WDR25: variants seen among roughly 807,000 people sequenced by gnomAD.
WDR25 encodes the protein WD repeat domain 25, also known as WD repeat-containing protein 25.
Under a neutral mutation model 47.7 loss-of-function variants are expected in WDR25, and 35 were observed. That is an observed-to-expected ratio of 0.73 (90% CI 0.56 to 0.97). The LOEUF (loss-of-function observed/expected upper bound fraction) is 0.97. Ranked by LOEUF, WDR25 falls within the 50% of genes least tolerant of loss-of-function variation. The pLI is 0.00. For synonymous variants in WDR25, 248 were observed against 278.9 expected (o/e 0.89, Z 1.10); for missense variants, 634 against 704.7 (o/e 0.90, Z 1.14).
intron 2 of WDR25, among the ~76,000 whole-genome samples, chr14:100,448,825 C>T (rs1238956276): frequency 6.6e-6 from 1 of 152,104 alleles, no homozygotes; most frequent in Non-Finnish European, 1.5e-5. Flanking sequence ...TCCACTGGAC[C>T]TTAACTTGGC....
intron 4 of WDR25, among the ~76,000 whole-genome samples, chr14:100,507,441 A>G (rs902389219): frequency 6.6e-6 from 1 of 152,158 alleles, no homozygotes; most frequent in East Asian, 1.9e-4. Flanking sequence ...TCTGTGAAAA[A>G]TGATATTGGT....
chr14:100,437,920 T>A (rs1227671882), intron 2 of WDR25, among the ~76,000 whole-genome samples: 4 of 152,178 alleles, frequency 2.6e-5, no homozygotes, highest in Non-Finnish European at 4.4e-5. Context: ...TGCCTTCTCA[T>A]CCTTTTTTCT....
chr14:100,514,986 G>C (rs1901444437), intron 4 of WDR25, among the ~76,000 whole-genome samples: 1 of 151,998 alleles, frequency 6.6e-6, no homozygotes, highest in Admixed American at 6.6e-5. Flanking sequence ...AAGAATTTGG[G>C]GTTGATGATT....
At chr14:100,524,156 G>A (rs2029996216) in intron 4 of WDR25, among the ~76,000 whole-genome samples, 1 of 152,054 alleles carries the variant, frequency 6.6e-6, no homozygotes. Context: ...TCCTCAAAAA[G>A]TTTGTCTTGG....
At chr14:100,447,629 G>A (rs1282663227) in intron 2 of WDR25, among the ~76,000 whole-genome samples, 1 of 152,204 alleles carries the variant, frequency 6.6e-6, no homozygotes, top group Non-Finnish European at 1.5e-5. Context: ...ATGGTGAGGT[G>A]GGTGGTATTG....
Position 100,391,157 on chromosome 14 carries a change from T to G in WDR25, c.822+9411T>G, listed in dbSNP as rs1030744842. 4.6e-5 allele frequency among the ~76,000 whole-genome samples: 7 copies of G among 152,312 alleles called. No homozygotes were observed. In the East Asian group the frequency reaches 7.7e-4, roughly 17 times the overall value. On this transcript the variant is annotated intron_variant, in intron 2 of 6. Coordinates refer to ENST00000402312, the MANE Select transcript of WDR25 (RefSeq NM_001161476.3). The stretch of plus-strand genomic sequence containing the variant: ...AAACCTGACATTTTTCGCTGTCAAG[T>G]CTCTGGCCCTTTCCCTTTGTAATTG...
At position 100,437,094 on chromosome 14, in the gene WDR25, T is replaced by A. The variant is rs927641859; in HGVS notation, c.823-30927T>A. ...AGCTGGAGTAAGGGCCTGGTACTTG[T>A]GTGTTGAATGCTTGTATGCATGTTT... On this transcript the variant is annotated intron_variant, in intron 2 of 6. Coordinates refer to ENST00000402312, the MANE Select transcript of WDR25 (RefSeq NM_001161476.3). Among the ~76,000 whole-genome samples, 81 of 152,080 alleles carry A rather than the reference T, an allele frequency of 5.3e-4. 1 individual carries two copies. The highest frequency in any genetic ancestry group is 1.6e-3 in the African/African-American group (67 of 41,396).
intron 4 of WDR25, among the ~76,000 whole-genome samples, chr14:100,512,711 A>G (rs1342121513): frequency 1.3e-5 from 2 of 152,140 alleles, no homozygotes; most frequent in Non-Finnish European, 2.9e-5. Flanking sequence ...TTTTCCGATT[A>G]TAGATGTTCA....
chr14:100,459,925 T>C lies in WDR25; in HGVS notation c.823-8096T>C, dbSNP rs1566920340. 1.6e-4 allele frequency among the ~76,000 whole-genome samples: 16 copies of C among 101,926 alleles called. 1 individual carries two copies. Among genetic ancestry groups the C allele is most frequent in the African/African-American group, 7.0e-4 (15 of 21,518 alleles). The allele number at this position is 101,926 out of a possible 152,430, so 66.9% of individuals were successfully genotyped here. A position where few individuals can be genotyped will look rare whatever the true frequency, so the allele number is the denominator to read the frequency against. On this transcript the variant is annotated intron_variant, in intron 2 of 6. Transcript: ENST00000402312. ...ATATATATATATATATATATATATA[T>C]ATATATATATATATACACATACACA...
chr14:100,510,221 G>A (rs949759207), intron 4 of WDR25, among the ~76,000 whole-genome samples: 4 of 151,338 alleles, frequency 2.6e-5, no homozygotes, highest in Admixed American at 1.3e-4. Flanking sequence ...AGTGAGCTGA[G>A]ATTGCACCAC....
intron 2 of WDR25, among the ~76,000 whole-genome samples, chr14:100,434,140 T>C (rs898486087): frequency 2.0e-5 from 3 of 152,210 alleles, no homozygotes; most frequent in Non-Finnish European, 4.4e-5. Flanking sequence ...GCTCATTGCT[T>C]CATTGCTACT....
chr14:100,403,375 G>A (rs1897437630), intron 2 of WDR25, among the ~76,000 whole-genome samples: 1 of 152,228 alleles, frequency 6.6e-6, no homozygotes, highest in Non-Finnish European at 1.5e-5. Flanking sequence ...AATGTTGGGA[G>A]AGTGAATTGG....
At chr14:100,395,866 C>T (rs540101420) in intron 2 of WDR25, among the ~76,000 whole-genome samples, 42 of 152,236 alleles carry the variant, frequency 2.8e-4, no homozygotes, top group African/African-American at 1.0e-3. Flanking sequence ...AGGAGGCATC[C>T]CTGTGGGGAT....
chr14:100,398,348 A>G (rs542551539), intron 2 of WDR25, among the ~76,000 whole-genome samples: 1 of 152,136 alleles, frequency 6.6e-6, no homozygotes, highest in Non-Finnish European at 1.5e-5. Flanking sequence ...CTTCCTTGTA[A>G]TGTTTCAGCC....
chr14:100,485,906 T>C (rs1351634652), intron 4 of WDR25, among the ~76,000 whole-genome samples: 1 of 152,124 alleles, frequency 6.6e-6, no homozygotes, highest in Non-Finnish European at 1.5e-5. Flanking sequence ...GAGATCTTGC[T>C]TAAAGTACTC....
chr14:100,437,274 G>A (rs1427968467), intron 2 of WDR25, among the ~76,000 whole-genome samples: 2 of 152,050 alleles, frequency 1.3e-5, no homozygotes, highest in Non-Finnish European at 2.9e-5. Flanking sequence ...AGCCCCCCAC[G>A]GCCCAGCCTT....
In WDR25 at chr14:100,424,019, G is replaced by A. The variant is rs1898099527; in HGVS notation, c.822+42273G>A. ...GCTTGGTGCTGGTCCCAGGGAGGCA[G>A]ATGACACGTGTTGCCCCTCAGAACA... is the stretch of plus-strand genomic sequence containing the variant. On this transcript the variant is annotated intron_variant, in intron 2 of 6. Coordinates refer to ENST00000402312, the MANE Select transcript of WDR25 (RefSeq NM_001161476.3). This position sits in a 1 kb window ranked among gnomAD's most constrained non-coding sequence, Gnocchi z 4.2. 5.3e-5 allele frequency among the ~76,000 whole-genome samples: 8 copies of A among 152,268 alleles called. No homozygotes were observed. The highest frequency in any genetic ancestry group is 5.2e-4 in the Admixed American group (8 of 15,288).
intron 3 of WDR25, among the ~76,000 whole-genome samples, chr14:100,476,863 G>A (rs200108949): frequency 6.6e-6 from 1 of 152,186 alleles, no homozygotes; most frequent in East Asian, 1.9e-4. Flanking sequence ...GGGGGCATGA[G>A]CTTCTCTTTT....
At chr14:100,476,639 GC>G (rs923776945) in intron 3 of WDR25, 2 of 152,226 alleles carry the variant, frequency 1.3e-5, no homozygotes, top group Non-Finnish European at 1.5e-5. Context: ...TCTCAGTGTG[GC>G]TGACTCATGT....
Sources: gnomAD v4.1 joint callset for allele counts (sites outside exome capture counted in the v4.1 genomes callset) on GRCh38, gnomAD v4.1.1 for gene constraint, Gnocchi (gnomAD v3.1) non-coding constraint, MANE v1.5 for transcripts, NCBI Gene and HGNC (gene_info 2026-07-23, HGNC 2026-07-21) for gene names.